WWOX: variants seen among roughly 807,000 people sequenced by gnomAD.
The protein encoded by WWOX is WW domain containing oxidoreductase.
A neutral mutation model predicts 46.2 loss-of-function variants in WWOX; 69 were observed. The ratio of observed to expected loss-of-function variants is 1.49; its 90% CI spans 1.23 to 1.82. The LOEUF is 1.82. WWOX is among the 40% of genes most tolerant of loss of function. The pLI is 0.00. For missense variants in WWOX, 919 were observed against 542.6 expected (o/e 1.69, Z -6.89); for synonymous variants, 359 against 202.6 (o/e 1.77, Z -6.56).
intron 8 of WWOX, among the ~76,000 whole-genome samples, chr16:78,502,510 C>A (rs1293794781): frequency 6.6e-6 from 1 of 152,186 alleles, no homozygotes; most frequent in Non-Finnish European, 1.5e-5. Flanking sequence ...ACAGCATCTA[C>A]CAGTTCATCA....
chr16:78,473,909 G>C (rs893649198), intron 8 of WWOX, among the ~76,000 whole-genome samples: 1 of 152,168 alleles, frequency 6.6e-6, no homozygotes, highest in East Asian at 1.9e-4. Context: ...TATTAATTTA[G>C]GGATGATGAG....
chr16:78,188,798 A>T (rs1432549948), intron 5 of WWOX, among the ~76,000 whole-genome samples: 1 of 152,106 alleles, frequency 6.6e-6, no homozygotes, highest in East Asian at 1.9e-4. Flanking sequence ...TTGAAATCGT[A>T]TCAGTGGTTT....
chr16:78,234,120 C>T (rs1324499487), intron 5 of WWOX, among the ~76,000 whole-genome samples: 1 of 149,468 alleles, frequency 6.7e-6, no homozygotes, highest in East Asian at 2.0e-4. Flanking sequence ...AGTTCATATT[C>T]TTTTTTTTTT....
At chr16:78,348,721 G>A (rs1489984921) in intron 5 of WWOX, among the ~76,000 whole-genome samples, 1 of 121,308 alleles carries the variant, frequency 8.2e-6, no homozygotes, top group Non-Finnish European at 2.0e-5. Flanking sequence ...GCCTCCCAAA[G>A]TGCTAGGATT....
At chr16:79,085,285 C>T (rs1464236400) in intron 8 of WWOX, among the ~76,000 whole-genome samples, 1 of 151,908 alleles carries the variant, frequency 6.6e-6, no homozygotes, top group Non-Finnish European at 1.5e-5. Flanking sequence ...TTAGATTTTC[C>T]CAATGATGAA....
At chr16:79,148,629 T>A (rs1597419808) in intron 8 of WWOX, among the ~76,000 whole-genome samples, 1 of 152,306 alleles carries the variant, frequency 6.6e-6, no homozygotes, top group East Asian at 1.9e-4. Flanking sequence ...GGGGTTTAAA[T>A]CTATAGGTCT....
At chr16:78,336,105 C>T (rs963268670) in intron 5 of WWOX, among the ~76,000 whole-genome samples, 19 of 150,426 alleles carry the variant, frequency 1.3e-4, no homozygotes, top group African/African-American at 4.6e-4. Flanking sequence ...AAACGAAAAA[C>T]AAAAAAAACC....
At chr16:78,211,517 C>G (rs1368737006) in intron 5 of WWOX, among the ~76,000 whole-genome samples, 1 of 152,134 alleles carries the variant, frequency 6.6e-6, no homozygotes, top group Non-Finnish European at 1.5e-5. Context: ...TCCCCGGCAT[C>G]TTGAAGCCAC....
intron 8 of WWOX, among the ~76,000 whole-genome samples, chr16:79,090,779 G>A (rs899458315): frequency 1.3e-5 from 2 of 152,132 alleles, no homozygotes; most frequent in African/African-American, 2.4e-5. Flanking sequence ...GCCATGCCCT[G>A]CCTTGTTGGT....
At chr16:78,192,491 C>CAAAAAAA (rs56109773) in intron 5 of WWOX, among the ~76,000 whole-genome samples, 1 of 87,440 alleles carries the variant, frequency 1.1e-5, no homozygotes, top group African/African-American at 4.6e-5. Context: ...GACTCCGTCT[C>CAAAAAAA]AAAAAAAAAA....
chr16:78,527,836 C>T (rs1324034903), intron 8 of WWOX, among the ~76,000 whole-genome samples: 1 of 151,570 alleles, frequency 6.6e-6, no homozygotes, highest in African/African-American at 2.4e-5. Context: ...AAAGGTGCTA[C>T]TGGCATCTAG....
chr16:79,194,775 A>T (rs1454016874), intron 8 of WWOX, among the ~76,000 whole-genome samples: 2 of 151,994 alleles, frequency 1.3e-5, no homozygotes, highest in Non-Finnish European at 2.9e-5. Context: ...GAGTTAAATA[A>T]TTTTTCCCCG....
chr16:78,655,202 C>G (rs1197992160), intron 8 of WWOX, among the ~76,000 whole-genome samples: 2 of 152,106 alleles, frequency 1.3e-5, no homozygotes, highest in Non-Finnish European at 2.9e-5. Flanking sequence ...ACTGAGGTCT[C>G]ACTCCCTTCA....
intron 5 of WWOX, among the ~76,000 whole-genome samples, chr16:78,290,520 G>C (rs1202414974): frequency 6.6e-6 from 1 of 152,098 alleles, no homozygotes; most frequent in Admixed American, 6.6e-5. Context: ...CTGTCAGAAG[G>C]GTCTGCAAGG....
At chr16:78,537,435 G>A (rs944001052) in intron 8 of WWOX, among the ~76,000 whole-genome samples, 2 of 152,152 alleles carry the variant, frequency 1.3e-5, no homozygotes, top group Non-Finnish European at 2.9e-5. Flanking sequence ...TATAGATGTT[G>A]AGCCCATTAA....
intron 8 of WWOX, among the ~76,000 whole-genome samples, chr16:78,677,191 C>A (rs890931829): frequency 6.6e-6 from 1 of 152,000 alleles, no homozygotes; most frequent in African/African-American, 2.4e-5. Context: ...TGAGGGGGTC[C>A]CAGGCAATCA....
chr16:78,376,661 G>T (rs2081834980), intron 5 of WWOX, among the ~76,000 whole-genome samples: 1 of 152,160 alleles, frequency 6.6e-6, no homozygotes, highest in Non-Finnish European at 1.5e-5. Flanking sequence ...AAGATATTGA[G>T]TAGCATCCCT....
At chr16:78,909,521 A>G (rs1013919256) in intron 8 of WWOX, among the ~76,000 whole-genome samples, 7 of 152,206 alleles carry the variant, frequency 4.6e-5, no homozygotes, top group Admixed American at 3.9e-4. Context: ...TCTAGGTCCC[A>G]CGTGCCTTCT....
Position 78,536,737 on chromosome 16 carries a change from A to G in WWOX, c.1056+103985A>G, listed in dbSNP as rs144431791. On this transcript the variant is annotated intron_variant, in intron 8 of 8. Coordinates refer to ENST00000566780, the MANE Select transcript of WWOX (RefSeq NM_016373.4). Reference sequence around the variant, plus strand: ...TGAAAAGGGAAAATGGAGGAGAATGATGACGAAGGAGGAGGAGGAGGAAAA... The same window carrying G: ...TGAAAAGGGAAAATGGAGGAGAATGGTGACGAAGGAGGAGGAGGAGGAAAA... Among the ~76,000 whole-genome samples the G allele has an allele frequency of 5.0e-3, 768 of 152,106 alleles. 9 individuals carry two copies. Among genetic ancestry groups the G allele is most frequent in the African/African-American group, 0.018 (746 of 41,524 alleles).
Sources: allele counts gnomAD v4.1 joint callset (sites outside exome capture counted in the v4.1 genomes callset), GRCh38; gene constraint gnomAD v4.1.1; transcripts MANE v1.5; gene names NCBI Gene and HGNC (gene_info 2026-07-23, HGNC 2026-07-21).